The following NOTCH2NLC variants were observed in gnomAD, a reference collection of about 807,000 sequenced individuals.
NOTCH2NLC encodes the protein notch homolog 2 N-terminal-like protein C.
NOTCH2NLC carries 4 observed loss-of-function variants against 17.7 expected under a neutral mutation model. That is an observed-to-expected ratio of 0.23 (90% CI 0.11 to 0.52). NOTCH2NLC has a LOEUF of 0.52. NOTCH2NLC is among the 20% of genes least tolerant of loss of function. The pLI, the probability that NOTCH2NLC is intolerant of heterozygous loss-of-function variation, is 0.96. For synonymous variants in NOTCH2NLC, 18 were observed against 86.0 expected (o/e 0.21, Z 4.38); for missense variants, 57 against 207.2 (o/e 0.28, Z 4.45).
intron 2 of NOTCH2NLC, among the ~76,000 whole-genome samples, chr1:149,451,618 G>T (rs1370283407): frequency 6.7e-6 from 1 of 149,572 alleles, no homozygotes; most frequent in African/African-American, 2.5e-5. Flanking sequence ...TAAGTCTGTT[G>T]TACCTCATAT....
intron 2 of NOTCH2NLC, among the ~76,000 whole-genome samples, chr1:149,444,878 C>A (rs1461634104): frequency 6.8e-6 from 1 of 147,782 alleles, no homozygotes; most frequent in Non-Finnish European, 1.5e-5. Context: ...AATCTATACA[C>A]AAATACTTTT....
chr1:149,463,020 G>C (rs1410373741), intron 3 of NOTCH2NLC, among the ~76,000 whole-genome samples: 6 of 147,530 alleles, frequency 4.1e-5, no homozygotes, highest in Admixed American at 1.4e-4. Flanking sequence ...ATTTTTAGTA[G>C]AGACAGGGTT....
chr1:149,396,230 CT>C (rs1320262979), intron 1 of NOTCH2NLC, among the ~76,000 whole-genome samples: 1 of 135,874 alleles, frequency 7.4e-6, no homozygotes, highest in East Asian at 2.2e-4. Flanking sequence ...AAATTTTCCT[CT>C]TTGTTGACTT....
Position 149,471,777 on chromosome 1 carries a change from T to C in NOTCH2NLC, c.*7624T>C, listed in dbSNP as rs1346099123. On this transcript the variant is annotated 3_prime_UTR_variant, in exon 5 of 5. Transcript: ENST00000650865. ...CTTAAAAATGGTGATTTTTGTGATA[T>C]ATGAATTATACTATGGAACTAATAA... Among the ~76,000 whole-genome samples the C allele has an allele frequency of 1.2e-3, 172 of 145,626 alleles. 2 individuals carry two copies. Among genetic ancestry groups the C allele is most frequent in the Middle Eastern group, 3.6e-3 (1 of 274 alleles).
chr1:149,463,028 G>A (rs1190672058), intron 3 of NOTCH2NLC, among the ~76,000 whole-genome samples: 2 of 147,944 alleles, frequency 1.4e-5, no homozygotes, highest in African/African-American at 5.0e-5. Flanking sequence ...TAGAGACAGG[G>A]TTTCACCATA....
At chr1:149,438,984 G>T (rs1398129585) in intron 2 of NOTCH2NLC, among the ~76,000 whole-genome samples, 1 of 147,624 alleles carries the variant, frequency 6.8e-6, no homozygotes, top group Non-Finnish European at 1.5e-5. Context: ...CCAAAGGGCT[G>T]GAATTACAGG....
chr1:149,412,820 A>C (rs2084306891), intron 1 of NOTCH2NLC, among the ~76,000 whole-genome samples: 1 of 146,782 alleles, frequency 6.8e-6, no homozygotes, highest in Non-Finnish European at 1.5e-5. Flanking sequence ...CTCAAAAAAA[A>C]AAAAAAAAAA....
intron 1 of NOTCH2NLC, among the ~76,000 whole-genome samples, chr1:149,417,051 A>G (rs1273278575): frequency 2.8e-5 from 4 of 141,510 alleles, no homozygotes; most frequent in Admixed American, 2.8e-4. Context: ...GTAGTCACAA[A>G]TGTATATTAT....
chr1:149,471,106 A>G lies in NOTCH2NLC; in HGVS notation c.*6953A>G, dbSNP rs2084716249. Among the ~76,000 whole-genome samples, 1 of 147,856 alleles carries G rather than the reference A, an allele frequency of 6.8e-6. No individual in the cohort carries two copies. Among genetic ancestry groups the G allele is most frequent in the Admixed American group, 6.7e-5 (1 of 14,848 alleles). On this transcript the variant is annotated 3_prime_UTR_variant, in exon 5 of 5. Transcript: ENST00000650865. ...TTCAACATCTTTTCATATACTTATTAGTCATTATGTATCTTCTTTGGAGAA... is the reference window on the plus strand; with the variant it reads ...TTCAACATCTTTTCATATACTTATTGGTCATTATGTATCTTCTTTGGAGAA...
intron 1 of NOTCH2NLC, among the ~76,000 whole-genome samples, chr1:149,404,241 A>G (rs2084255799): frequency 6.7e-6 from 1 of 150,218 alleles, no homozygotes; most frequent in Non-Finnish European, 1.5e-5. Context: ...TGAAGCCAAA[A>G]TACTTGGTGT....
Position 149,424,391 on chromosome 1 carries a change from G to A in NOTCH2NLC, c.136-6551G>A, listed in dbSNP as rs1396131976. On this transcript the variant is annotated intron_variant, in intron 1 of 4. Transcript: ENST00000650865. Reference sequence around the variant, plus strand: ...GTTTGTATTTATCTTAGAGTCATTTGGTTAGGTCACATTCTCTCTGCCCCT... The same window carrying A: ...GTTTGTATTTATCTTAGAGTCATTTAGTTAGGTCACATTCTCTCTGCCCCT... Among the ~76,000 whole-genome samples the A allele has an allele frequency of 3.3e-5, 5 of 149,684 alleles. 1 individual carries two copies. Among genetic ancestry groups the A allele is most frequent in the African/African-American group, 1.2e-4 (5 of 40,674 alleles).
At chr1:149,463,175 G>A (rs2101514498) in intron 3 of NOTCH2NLC, among the ~76,000 whole-genome samples, 1 of 150,886 alleles carries the variant, frequency 6.6e-6, no homozygotes, top group Non-Finnish European at 1.5e-5. Flanking sequence ...TGCAAAGACA[G>A]CTCTGAGAGA....
chr1:149,461,800 C>T (rs1378963569), intron 3 of NOTCH2NLC, among the ~76,000 whole-genome samples: 9 of 149,618 alleles, frequency 6.0e-5, no homozygotes, highest in Non-Finnish European at 1.3e-4. Flanking sequence ...TACTATTCAG[C>T]CATAAAAAAG....
Position 149,466,273 on chromosome 1 carries a change from T to G in NOTCH2NLC, c.*2120T>G, listed in dbSNP as rs2084682874. 1 of 143,012 alleles carries G rather than the reference T, an allele frequency of 7.0e-6. No homozygotes were observed. Among genetic ancestry groups the G allele is most frequent in the Admixed American group, 7.0e-5 (1 of 14,318 alleles). 8.9% of individuals were successfully genotyped at this position (143,012 alleles called of 1,614,324 possible). A position where few individuals can be genotyped will look rare whatever the true frequency, so the allele number is the denominator to read the frequency against. The stretch of plus-strand genomic sequence containing the variant: ...GTGTGTGTGTGTGTGTGTGTGTGTG[T>G]GTGGTATATATATATATATCGCATT... On this transcript the variant is annotated 3_prime_UTR_variant, in exon 5 of 5. Transcript: ENST00000650865.
chr1:149,414,828 T>G (rs1420064242), intron 1 of NOTCH2NLC, among the ~76,000 whole-genome samples: 1 of 148,234 alleles, frequency 6.7e-6, no homozygotes, highest in African/African-American at 2.5e-5. Context: ...GTAGCTTATC[T>G]TTTACTCCCC....
At chr1:149,426,576 CTTTTTTT>C (rs1224339764) in intron 1 of NOTCH2NLC, among the ~76,000 whole-genome samples, 10 of 104,446 alleles carry the variant, frequency 9.6e-5, no homozygotes, top group South Asian at 3.3e-4. Context: ...TTCTTTTTGC[CTTTTTTT>C]TTTTTTTTTT....
intron 3 of NOTCH2NLC, among the ~76,000 whole-genome samples, chr1:149,461,156 A>G (rs2101512578): frequency 6.7e-6 from 1 of 149,988 alleles, no homozygotes; most frequent in African/African-American, 2.4e-5. Context: ...GCTGGTCTCA[A>G]ACTCCTAACC....
Position 149,462,737 on chromosome 1 carries a change from A to G in NOTCH2NLC, c.470-754A>G, listed in dbSNP as rs1283578146. On this transcript the variant is annotated intron_variant, in intron 3 of 4. Transcript: ENST00000650865. Reference sequence around the variant, plus strand: ...GGTGTATCTGTGTTTGCGCACATGTATGTATGTGAGGGGCACTAAGGATGA... The same window carrying G: ...GGTGTATCTGTGTTTGCGCACATGTGTGTATGTGAGGGGCACTAAGGATGA... Among the ~76,000 whole-genome samples the G allele has an allele frequency of 3.7e-4, 55 of 149,900 alleles. No individual in the cohort carries two copies. In the East Asian group the frequency reaches 0.01, roughly 28 times the overall value.
intron 2 of NOTCH2NLC, among the ~76,000 whole-genome samples, chr1:149,432,565 T>A (rs2084459137): frequency 6.6e-6 from 1 of 151,086 alleles, no homozygotes; most frequent in South Asian, 2.1e-4. Context: ...ACTGAAATCT[T>A]GTTTAGTCTT....
Sources: allele counts gnomAD v4.1 joint callset (sites outside exome capture counted in the v4.1 genomes callset), GRCh38; gene constraint gnomAD v4.1.1; transcripts MANE v1.5; gene names NCBI Gene and HGNC (gene_info 2026-07-23, HGNC 2026-07-21).